NBAS: variants seen among roughly 807,000 people sequenced by gnomAD.
NBAS encodes the protein NBAS subunit of NRZ tethering complex.
NBAS carries 219 observed loss-of-function variants against 302.5 expected under a neutral mutation model. The observed-to-expected ratio is 0.72, with a 90% confidence interval of 0.65 to 0.81. The LOEUF (loss-of-function observed/expected upper bound fraction) is 0.81, where lower values mean the gene tolerates loss of function less well. Among genes scored for constraint, NBAS ranks in the 30% least tolerant of loss-of-function variants. The pLI is 0.00. For missense variants in NBAS, 2,932 were observed against 2,841.6 expected, an observed-to-expected ratio of 1.03 and a Z score of -0.72; for synonymous variants, 1,118 against 1,021.6, an observed-to-expected ratio of 1.09 and a Z score of -1.80.
chr2:14,949,398 C>G, the NBAS span, among the ~76,000 whole-genome samples: 9 of 151,992 alleles, frequency 5.9e-5, no homozygotes, highest in African/African-American at 9.7e-5. Context: ...TAGCAAAAAA[C>G]AAATAACATA....
chr2:15,187,934 TAC>T (rs1665164483), intron 49 of NBAS, among the ~76,000 whole-genome samples: 7 of 152,346 alleles, frequency 4.6e-5, no homozygotes, highest in Admixed American at 4.6e-4. Flanking sequence ...TACTTCAAGG[TAC>T]ACACAGTTCT....
At chr2:15,351,023 G>C (rs1463424916) in intron 35 of NBAS, among the ~76,000 whole-genome samples, 1 of 152,242 alleles carries the variant, frequency 6.6e-6, no homozygotes, top group African/African-American at 2.4e-5. Context: ...ATGTACACTA[G>C]AGACATGTAC....
At chr2:15,163,672 A>T (rs1026640174), downstream of NBAS, among the ~76,000 whole-genome samples, 8 of 152,186 alleles carry the variant, frequency 5.3e-5, no homozygotes, top group African/African-American at 1.9e-4. Context: ...TCTACAGAGA[A>T]TGTTAACGGT....
the NBAS span, among the ~76,000 whole-genome samples, chr2:14,917,377 G>C: frequency 0.011 from 1,701 of 152,318 alleles, 22 homozygotes; most frequent in Middle Eastern, 0.041. Flanking sequence ...CTGCCAGGTA[G>C]GCCTCATCAA....
intron 25 of NBAS, among the ~76,000 whole-genome samples, chr2:15,414,319 T>C (rs970638885): frequency 2.0e-5 from 3 of 152,208 alleles, no homozygotes; most frequent in Non-Finnish European, 4.4e-5. Flanking sequence ...TGCAATGAAA[T>C]AGTCCCAGCC....
chr2:14,929,047 C>A, the NBAS span, among the ~76,000 whole-genome samples: 1 of 152,090 alleles, frequency 6.6e-6, no homozygotes, highest in South Asian at 2.1e-4. Context: ...CTGGAAAGCA[C>A]CAAAATTGAC....
the NBAS span, among the ~76,000 whole-genome samples, chr2:14,967,942 T>C: frequency 6.6e-6 from 1 of 152,166 alleles, no homozygotes; most frequent in Admixed American, 6.5e-5. Flanking sequence ...CTCCCTCCTT[T>C]GGCACTGGCA....
the NBAS span, among the ~76,000 whole-genome samples, chr2:15,013,732 T>C: frequency 6.6e-6 from 1 of 152,102 alleles, no homozygotes; most frequent in Admixed American, 6.6e-5. Flanking sequence ...TGCAGTGAGC[T>C]GAGATCACAC....
At chr2:15,024,208 G>A in the NBAS span, among the ~76,000 whole-genome samples, 3 of 104,138 alleles carry the variant, frequency 2.9e-5, no homozygotes, top group Admixed American at 1.2e-4. Context: ...CCACTTATAA[G>A]TAAGAACATG....
chr2:14,947,376 C>G, the NBAS span, among the ~76,000 whole-genome samples: 1 of 151,998 alleles, frequency 6.6e-6, no homozygotes, highest in Non-Finnish European at 1.5e-5. Flanking sequence ...TCATCAGAGG[C>G]TATCAGGAGT....
Position 15,218,881 on chromosome 2 carries a change from G to T in NBAS, c.6324C>A (p.His2108Gln), listed in dbSNP as rs771925902. Residue 2108 changes from histidine (H) to glutamine (Q), a missense_variant, in exon 48 of 52, where the codon CAC (histidine) becomes CAA (glutamine). By Grantham distance (24) the His-to-Gln change is conservative (BLOSUM62 0). Coordinates refer to ENST00000281513, the MANE Select transcript of NBAS (RefSeq NM_015909.4). Reference protein sequence around the residue: ...DDAWPVRPRIHVLQILGQSFH... With the variant: ...DDAWPVRPRIQVLQILGQSFH... ...ATGATTGCCCCAAAATCTGCAGCACGTGAATGCGGGGCCGCACCGGCCAGG... is the reference window on the plus strand; with the variant it reads ...ATGATTGCCCCAAAATCTGCAGCACTTGAATGCGGGGCCGCACCGGCCAGG... The T allele has an allele frequency of 6.2e-7, 1 of 1,614,234 alleles. No homozygotes were observed. The highest frequency in any genetic ancestry group is 1.7e-5 in the Admixed American group (1 of 60,022).
intron 45 of NBAS, among the ~76,000 whole-genome samples, chr2:15,238,089 TTTG>T (rs1232762936): frequency 1.3e-5 from 2 of 152,164 alleles, no homozygotes; most frequent in Admixed American, 1.3e-4. Context: ...TTTATTTTTA[TTTG>T]TTAATTCTAC....
chr2:15,171,629 G>T (rs545076195), intron 51 of NBAS, among the ~76,000 whole-genome samples: 1 of 152,236 alleles, frequency 6.6e-6, no homozygotes, highest in South Asian at 2.1e-4. Context: ...ACCAGGGGAG[G>T]TATCACTGCA....
chr2:15,212,826 A>G (rs1011977228), intron 48 of NBAS, among the ~76,000 whole-genome samples: 7 of 151,742 alleles, frequency 4.6e-5, no homozygotes, highest in Admixed American at 1.3e-4. Flanking sequence ...TGCCATGATT[A>G]TAAGTTTCCT....
Position 15,308,336 on chromosome 2 carries a change from C to G in NBAS, c.4677G>C (p.Arg1559=), listed in dbSNP as rs766495194. 1 of 1,613,902 alleles carries G rather than the reference C, an allele frequency of 6.2e-7. No individual in the cohort carries two copies. Among genetic ancestry groups the G allele is most frequent in the African/African-American group, 1.3e-5 (1 of 74,856 alleles). ...CAGAGGGGGACTGCTTTTCAAAGCA[C>G]CGGTTAGCATCTAACACCTAGGAGG... ...LALPQVLDAN[R]CFEKQSPSAL... The change falls in exon 40 of 52, where the codon CGG becomes CGC. Residue 1559 remains arginine, a synonymous_variant. Transcript: ENST00000281513.
chr2:15,103,780 T>A, the NBAS span, among the ~76,000 whole-genome samples: 3 of 152,186 alleles, frequency 2.0e-5, no homozygotes, highest in African/African-American at 7.2e-5. Context: ...GCAGATAAGG[T>A]CTGATCAGAG....
chr2:15,379,475 TG>T (rs1674921652), intron 30 of NBAS, 126 bp downstream of exon 30: 1 of 837,330 alleles, frequency 1.2e-6, no homozygotes, highest in African/African-American at 2.4e-5. Flanking sequence ...AAAAAATAAC[TG>T]TGCCCCATAT....
the NBAS span, among the ~76,000 whole-genome samples, chr2:14,998,715 T>TAC: frequency 3.6e-4 from 55 of 151,962 alleles, no homozygotes; most frequent in African/African-American, 6.8e-4. Flanking sequence ...GTGTCTCACA[T>TAC]ACACACACAC....
the NBAS span, among the ~76,000 whole-genome samples, chr2:15,123,544 G>T: frequency 2.0e-5 from 3 of 152,130 alleles, no homozygotes; most frequent in Non-Finnish European, 2.9e-5. Context: ...TGGATCATGG[G>T]GGCAGATCCC....
Sources: allele counts gnomAD v4.1 joint callset (sites outside exome capture counted in the v4.1 genomes callset), GRCh38; gene constraint gnomAD v4.1.1; transcripts MANE v1.5; gene names NCBI Gene and HGNC (gene_info 2026-07-23, HGNC 2026-07-21).